Variants in RAB38 observed in about 807,000 individuals in gnomAD.
RAB38 encodes the protein ras-related protein Rab-38.
RAB38 carries 15 observed loss-of-function variants against 18.4 expected under a neutral mutation model. That is an observed-to-expected ratio of 0.82 (90% CI 0.55 to 1.26). RAB38 has a LOEUF of 1.26. Ranked by LOEUF, RAB38 falls within the 50% of genes most tolerant of loss-of-function variation. The pLI is 0.00. For missense variants in RAB38, 294 were observed against 267.4 expected, an observed-to-expected ratio of 1.10 and a Z score of -0.69; for synonymous variants, 101 against 104.4, an observed-to-expected ratio of 0.97 and a Z score of 0.20.
At chr11:88,090,864 C>A in the RAB38 span, among the ~76,000 whole-genome samples, 3 of 151,958 alleles carry the variant, frequency 2.0e-5, no homozygotes, top group African/African-American at 7.2e-5. Flanking sequence ...ACTCCAAAGG[C>A]CTGGTTAGGT....
At chr11:88,027,458 C>CCT in the RAB38 span, among the ~76,000 whole-genome samples, 1 of 152,140 alleles carries the variant, frequency 6.6e-6, no homozygotes, top group Non-Finnish European at 1.5e-5. Context: ...CAGGGAGTTC[C>CCT]CTTTCCTAGT....
the RAB38 span, among the ~76,000 whole-genome samples, chr11:87,978,030 C>CATA: frequency 1.4e-5 from 1 of 71,120 alleles, no homozygotes. Flanking sequence ...TATACTTACA[C>CATA]ATACATAATA....
the RAB38 span, among the ~76,000 whole-genome samples, chr11:88,103,940 G>A: frequency 6.6e-6 from 1 of 152,106 alleles, no homozygotes; most frequent in African/African-American, 2.4e-5. Context: ...CTTGCCAGAA[G>A]GTGTCGTCAG....
chr11:87,977,568 C>G, the RAB38 span, among the ~76,000 whole-genome samples: 2 of 114,358 alleles, frequency 1.7e-5, no homozygotes, highest in Non-Finnish European at 3.3e-5. Context: ...ATATAATATA[C>G]TTATGTAACA....
chr11:88,095,714 T>G, the RAB38 span, among the ~76,000 whole-genome samples: 1 of 151,930 alleles, frequency 6.6e-6, no homozygotes, highest in Admixed American at 6.6e-5. Flanking sequence ...TATGTCCAAC[T>G]ACCTATCTCC....
the RAB38 span, among the ~76,000 whole-genome samples, chr11:88,089,234 C>T: frequency 1.3e-5 from 2 of 151,520 alleles, no homozygotes; most frequent in Admixed American, 1.3e-4. Flanking sequence ...TCTTGTTGGG[C>T]AACCCTGAGG....
chr11:88,175,140 C>T lies in RAB38; in HGVS notation c.202+43G>A, dbSNP rs34819599. On this transcript the variant is annotated intron_variant, in intron 1 of 2. Coordinates refer to ENST00000243662, the MANE Select transcript of RAB38 (RefSeq NM_022337.3). Reference sequence around the variant, plus strand: ...CGCTGCCTCGAGACTGGAAACCGGCCGCGAGGCGCTCTATCCCCCTGACCC... The same window carrying T: ...CGCTGCCTCGAGACTGGAAACCGGCTGCGAGGCGCTCTATCCCCCTGACCC... The T allele has an allele frequency of 4.9e-4, 738 of 1,510,118 alleles. 5 individuals are homozygous for T. In the African/African-American group the frequency reaches 7.0e-3, roughly 14 times the overall value. 93.5% of individuals were successfully genotyped at this position (1,510,118 alleles called of 1,614,324 possible). A position where few individuals can be genotyped will look rare whatever the true frequency, so the allele number is the denominator to read the frequency against.
At chr11:87,921,916 A>G in the RAB38 span, among the ~76,000 whole-genome samples, 6 of 152,116 alleles carry the variant, frequency 3.9e-5, no homozygotes, top group East Asian at 1.2e-3. Flanking sequence ...ACACATGAGC[A>G]TAGGACTGTA....
At chr11:87,964,139 T>C in the RAB38 span, among the ~76,000 whole-genome samples, 4 of 152,070 alleles carry the variant, frequency 2.6e-5, no homozygotes, top group African/African-American at 9.7e-5. Flanking sequence ...TCCCCAAATG[T>C]AGTAACTTAA....
chr11:88,067,351 GA>G, the RAB38 span, among the ~76,000 whole-genome samples: 81,086 of 129,888 alleles, frequency 0.62, 23,818 homozygotes, highest in African/African-American at 0.75. Flanking sequence ...TTTAGCAAAT[GA>G]AAAAAAAAAA....
chr11:88,062,918 G>A, the RAB38 span, among the ~76,000 whole-genome samples: 1 of 152,202 alleles, frequency 6.6e-6, no homozygotes, highest in Non-Finnish European at 1.5e-5. Context: ...TTCATGCACT[G>A]AAAATTGTTG....
chr11:87,854,548 T>A, the RAB38 span, among the ~76,000 whole-genome samples: 1 of 152,186 alleles, frequency 6.6e-6, no homozygotes, highest in African/African-American at 2.4e-5. Context: ...CATTTATGTT[T>A]CCTTTTAACC....
At chr11:87,960,947 A>G in the RAB38 span, among the ~76,000 whole-genome samples, 1 of 152,202 alleles carries the variant, frequency 6.6e-6, no homozygotes, top group African/African-American at 2.4e-5. Context: ...TACTCATGTT[A>G]AGAAGGAAGG....
chr11:87,971,422 A>G, the RAB38 span, among the ~76,000 whole-genome samples: 1 of 152,148 alleles, frequency 6.6e-6, no homozygotes, highest in East Asian at 1.9e-4. Flanking sequence ...ATGTTTGGAA[A>G]TGGCAAGGCT....
the RAB38 span, among the ~76,000 whole-genome samples, chr11:87,852,367 C>A: frequency 3.3e-5 from 5 of 152,144 alleles, no homozygotes; most frequent in African/African-American, 7.2e-5. Flanking sequence ...ACCCCATCAA[C>A]CTTCTAGTCA....
the RAB38 span, among the ~76,000 whole-genome samples, chr11:88,056,713 A>C: frequency 6.6e-6 from 1 of 152,114 alleles, no homozygotes; most frequent in Non-Finnish European, 1.5e-5. Flanking sequence ...CTGAGGCAGG[A>C]GAATGGCGTG....
the RAB38 span, among the ~76,000 whole-genome samples, chr11:88,042,242 T>G: frequency 7.3e-4 from 111 of 152,252 alleles, no homozygotes; most frequent in Middle Eastern, 6.8e-3. Context: ...AATACGGCTA[T>G]CTCTGCATGG....
the RAB38 span, among the ~76,000 whole-genome samples, chr11:87,866,932 A>G: frequency 0.036 from 5,421 of 151,876 alleles, 161 homozygotes; most frequent in African/African-American, 0.071. Flanking sequence ...TTCCCTATAG[A>G]GTTCTAGGGT....
At chr11:88,037,135 T>G in the RAB38 span, among the ~76,000 whole-genome samples, 1 of 152,224 alleles carries the variant, frequency 6.6e-6, no homozygotes, top group Admixed American at 6.5e-5. Context: ...GAATTCTTTA[T>G]CATTTTATAC....
Sources: allele counts gnomAD v4.1 joint callset (sites outside exome capture counted in the v4.1 genomes callset), GRCh38; gene constraint gnomAD v4.1.1; transcripts MANE v1.5; gene names NCBI Gene and HGNC (gene_info 2026-07-23, HGNC 2026-07-21).